The following TSPAN12 variants were observed in gnomAD, a reference collection of about 807,000 sequenced individuals.
TSPAN12 encodes the protein tetraspanin-12.
Under a neutral mutation model 39.2 loss-of-function variants are expected in TSPAN12, and 19 were observed. The observed-to-expected ratio is 0.49, with a 90% CI of 0.34 to 0.71. TSPAN12 has a LOEUF of 0.71. Ranked by LOEUF, TSPAN12 falls within the 30% of genes least tolerant of loss-of-function variation. TSPAN12 has a pLI of 0.01. For missense variants in TSPAN12, 314 were observed against 359.9 expected (o/e 0.87, Z 1.03); for synonymous variants, 119 against 124.8 (o/e 0.95, Z 0.31).
At chr7:120,845,605 C>T (rs1584952194) in intron 2 of TSPAN12, among the ~76,000 whole-genome samples, 1 of 152,280 alleles carries the variant, frequency 6.6e-6, no homozygotes, top group Middle Eastern at 3.4e-3. Context: ...TCCACAGATA[C>T]CTAAAGCAGG....
chr7:120,806,416 C>T, intron 7 of TSPAN12, 133 bp downstream of exon 7: 2 of 869,080 alleles, frequency 2.3e-6, no homozygotes, highest in East Asian at 2.6e-5. Context: ...TGCTTCTCCC[C>T]ATATTAGAGA....
At chr7:120,839,706 G>A (rs1794542302) in intron 3 of TSPAN12, among the ~76,000 whole-genome samples, 1 of 152,150 alleles carries the variant, frequency 6.6e-6, no homozygotes, top group African/African-American at 2.4e-5. Context: ...GAAGCTGACG[G>A]TAATTTTCTT....
Position 120,792,458 on chromosome 7 carries a change from C to G in TSPAN12, c.613-3561G>C, listed in dbSNP as rs367576410. The stretch of plus-strand genomic sequence containing the variant: ...CACATGGGGGCTTGACAAGCTCTGA[C>G]ATATTCGTGGAGATCTCGAAAGTTA... On this transcript the variant is annotated intron_variant, in intron 7 of 7. Coordinates refer to ENST00000222747, the MANE Select transcript of TSPAN12 (RefSeq NM_012338.4). 7.9e-5 allele frequency among the ~76,000 whole-genome samples: 12 copies of G among 152,246 alleles called. No homozygotes were observed. The East Asian group carries it at 1.2e-3, about 15-fold the overall frequency.
intron 4 of TSPAN12, among the ~76,000 whole-genome samples, chr7:120,831,234 T>C (rs1041180786): frequency 1.3e-5 from 2 of 152,048 alleles, no homozygotes; most frequent in Admixed American, 6.6e-5. Flanking sequence ...GAGAGCAGTA[T>C]GGAGGTTTTC....
chr7:120,791,921 A>G (rs1381968105), intron 7 of TSPAN12, among the ~76,000 whole-genome samples: 1 of 152,196 alleles, frequency 6.6e-6, no homozygotes, highest in Non-Finnish European at 1.5e-5. Flanking sequence ...TGACATAGCA[A>G]AACTGGCATG....
intron 7 of TSPAN12, among the ~76,000 whole-genome samples, chr7:120,799,757 T>C (rs1793723343): frequency 1.5e-5 from 2 of 133,164 alleles, no homozygotes; most frequent in African/African-American, 2.8e-5. Flanking sequence ...ATAATTTAAT[T>C]TATACATATA....
chr7:120,799,181 T>C (rs1793691625), intron 7 of TSPAN12, among the ~76,000 whole-genome samples: 1 of 151,802 alleles, frequency 6.6e-6, no homozygotes, highest in East Asian at 1.9e-4. Flanking sequence ...ATTTTTTGTT[T>C]CAAGTGTGGC....
intron 5 of TSPAN12, among the ~76,000 whole-genome samples, chr7:120,815,422 G>A (rs762430006): frequency 2.0e-5 from 3 of 152,076 alleles, no homozygotes; most frequent in Non-Finnish European, 2.9e-5. Context: ...TTTCCCTCAC[G>A]CTGTTCTTTT....
chr7:120,821,985 G>A (rs1794196110), intron 4 of TSPAN12, among the ~76,000 whole-genome samples: 1 of 152,104 alleles, frequency 6.6e-6, no homozygotes. Context: ...GATGGGTGTG[G>A]AGGGTGGGGA....
At chr7:120,831,830 C>T (rs1187823793) in intron 4 of TSPAN12, among the ~76,000 whole-genome samples, 1 of 151,852 alleles carries the variant, frequency 6.6e-6, no homozygotes, top group Non-Finnish European at 1.5e-5. Flanking sequence ...GTTCTCACCA[C>T]AAAAAATAAG....
intron 2 of TSPAN12, among the ~76,000 whole-genome samples, chr7:120,854,928 C>T (rs892843959): frequency 1.7e-4 from 26 of 152,144 alleles, no homozygotes; most frequent in African/African-American, 6.3e-4. Flanking sequence ...ACACACACCA[C>T]ACACAAACAT....
At chr7:120,799,455 A>C (rs1343427778) in intron 7 of TSPAN12, among the ~76,000 whole-genome samples, 2 of 135,652 alleles carry the variant, frequency 1.5e-5, no homozygotes, top group Non-Finnish European at 3.1e-5. Context: ...ATTTATATAT[A>C]ATTTAATTAC....
chr7:120,850,579 A>G (rs1442583597), intron 2 of TSPAN12, among the ~76,000 whole-genome samples: 3 of 152,168 alleles, frequency 2.0e-5, no homozygotes, highest in African/African-American at 7.2e-5. Context: ...AGAATCTTCC[A>G]TGTACTTCTC....
chr7:120,817,835 T>C (rs1397266992), intron 4 of TSPAN12, among the ~76,000 whole-genome samples: 1 of 152,154 alleles, frequency 6.6e-6, no homozygotes, highest in Non-Finnish European at 1.5e-5. Flanking sequence ...TAGTGACGAT[T>C]TGTGAATATC....
At chr7:120,819,011 T>G (rs774484000) in intron 4 of TSPAN12, among the ~76,000 whole-genome samples, 1 of 152,114 alleles carries the variant, frequency 6.6e-6, no homozygotes, top group Non-Finnish European at 1.5e-5. Flanking sequence ...AGTAACTACA[T>G]ACTGGATCAC....
In TSPAN12 at chr7:120,815,778, A is replaced by C. The variant is rs758565852; in HGVS notation, c.311T>G (p.Phe104Cys). 17 of 1,613,010 alleles carry C rather than the reference A, an allele frequency of 1.1e-5. No individual in the cohort carries two copies. The African/African-American group carries it at 2.1e-4, about 20-fold the overall frequency. The part of the protein sequence containing the change: ...AWYFGSLLVI[F>C]CVELACGVWT... ...AACGCCACAAGCCAGTTCTACACAG[A>C]AAATGACAAGCAAACTTCCAAAGTA... Residue 104 changes from phenylalanine (F) to cysteine (C), a missense_variant, in exon 5 of 8, where the codon TTC becomes TGC. Transcript: ENST00000222747.
At chr7:120,799,699 A>G (rs1469628394) in intron 7 of TSPAN12, among the ~76,000 whole-genome samples, 3 of 122,334 alleles carry the variant, frequency 2.5e-5, no homozygotes, top group African/African-American at 1.0e-4. Context: ...TAATTATATA[A>G]TTATTATATT....
chr7:120,803,820 G>A (rs1793819699), intron 7 of TSPAN12, among the ~76,000 whole-genome samples: 1 of 152,110 alleles, frequency 6.6e-6, no homozygotes, highest in Non-Finnish European at 1.5e-5. Context: ...AGCAATTATA[G>A]ATATCCTAAA....
intron 1 of TSPAN12, 35 bp from the exon 2 acceptor site, chr7:120,856,868 CT>C: frequency 8.1e-7 from 1 of 1,232,074 alleles, no homozygotes; most frequent in East Asian, 2.4e-5. Flanking sequence ...CACGGGACAT[CT>C]CACCATCACG....
Sources: gnomAD v4.1 joint callset for allele counts (sites outside exome capture counted in the v4.1 genomes callset) on GRCh38, gnomAD v4.1.1 for gene constraint, MANE v1.5 for transcripts, NCBI Gene and HGNC (gene_info 2026-07-23, HGNC 2026-07-21) for gene names.